Variants in ADGRF5 observed in about 807,000 individuals in gnomAD.
ADGRF5 encodes adhesion G protein-coupled receptor F5, also known as G-protein coupled receptor 116.
A neutral mutation model predicts 132.3 loss-of-function variants in ADGRF5; 75 were observed. The ratio of observed to expected loss-of-function variants is 0.57; its 90% CI spans 0.47 to 0.69. The LOEUF is 0.69. ADGRF5 is among the 30% of genes least tolerant of loss of function. The pLI is 0.00. For synonymous variants in ADGRF5, 629 were observed against 597.6 expected, an observed-to-expected ratio of 1.05 and a Z score of -0.77; for missense variants, 1,516 against 1,630.6, an observed-to-expected ratio of 0.93 and a Z score of 1.21.
intron 12 of ADGRF5, among the ~76,000 whole-genome samples, chr6:46,868,108 C>T (rs141109307): frequency 1.3e-5 from 2 of 152,262 alleles, no homozygotes; most frequent in East Asian, 1.9e-4. Flanking sequence ...ATGGGACTCA[C>T]GGAATCTAGA....
At chr6:46,854,171 C>A (rs1768774533) in intron 20 of ADGRF5, 100 bp from the exon 21 acceptor site, 8 of 791,702 alleles carry the variant, frequency 1.0e-5, no homozygotes, top group Non-Finnish European at 1.6e-5. Flanking sequence ...GGTCCAGGTG[C>A]CAGGTAAGCT....
At position 46,878,296 on chromosome 6, in the gene ADGRF5, G is replaced by A. The variant is rs373082410; in HGVS notation, c.1146C>T (p.Cys382=). ...ILANEEMKVM[C]DNNPVSLNCC... is the part of the protein sequence containing the mutation. The stretch of plus-strand genomic sequence containing the variant: ...AGTTCAAAGATACAGGATTGTTGTC[G>A]CACATCACCTTCATTTCTTCATTTG... Residue 382 remains cysteine (C), a synonymous_variant, in exon 10 of 21, where the codon TGC becomes TGT. Coordinates refer to ENST00000283296, the MANE Select transcript of ADGRF5 (RefSeq NM_001098518.2). 65 of 1,612,814 alleles carry A rather than the reference G, an allele frequency of 4.0e-5. No individual in the cohort carries two copies. The highest frequency in any genetic ancestry group is 2.7e-4 in the African/African-American group (20 of 74,814).
chr6:46,874,152 A>G (rs1771386033), intron 10 of ADGRF5, among the ~76,000 whole-genome samples: 1 of 152,146 alleles, frequency 6.6e-6, no homozygotes, highest in African/African-American at 2.4e-5. Flanking sequence ...ACCATTGCCT[A>G]CAGAATACAG....
intron 1 of ADGRF5, among the ~76,000 whole-genome samples, chr6:46,937,224 G>A (rs1168852045): frequency 6.4e-5 from 3 of 46,856 alleles, no homozygotes; most frequent in African/African-American, 1.3e-4. Context: ...AATAAGGAGT[G>A]TGTGTGTGTG....
At chr6:46,926,476 C>T (rs1172508213), upstream of ADGRF5, among the ~76,000 whole-genome samples, 2 of 20,342 alleles carry the variant, frequency 9.8e-5, no homozygotes. Flanking sequence ...GACAGCATCT[C>T]GGGTGAGGGG....
intron 1 of ADGRF5, among the ~76,000 whole-genome samples, chr6:46,916,151 C>G (rs1403093368): frequency 6.6e-6 from 1 of 152,224 alleles, no homozygotes; most frequent in Non-Finnish European, 1.5e-5. Flanking sequence ...TGAGAATTCC[C>G]AGAACTGTAT....
At position 46,856,769 on chromosome 6, in the gene ADGRF5, T is replaced by A; in HGVS notation, c.3825A>T (p.Glu1275Asp). 6.3e-7 allele frequency: 1 copy of A among 1,593,306 alleles called. No homozygotes were observed. Among genetic ancestry groups the A allele is most frequent in the South Asian group, 1.1e-5 (1 of 90,518 alleles). ...FGCLWDLKVQ[E>D]ALLNKFSLSR... ...ACAATGAAAACTTATTCAGCAAAGC[T>A]TCCTGTACCTGCATTGTTAAAAAGA... Residue 1275 changes from glutamate to aspartate, a missense_variant, in exon 19 of 21, where the codon GAA becomes GAT. Physicochemically the swap from Glu to Asp is conservative, Grantham distance 45. Coordinates refer to ENST00000283296, the MANE Select transcript of ADGRF5 (RefSeq NM_001098518.2).
intron 1 of ADGRF5, among the ~76,000 whole-genome samples, chr6:46,916,542 T>G (rs111582210): frequency 4.1e-4 from 63 of 152,292 alleles, no homozygotes; most frequent in Middle Eastern, 3.4e-3. Context: ...CACCACACTT[T>G]TTTGGACATT....
chr6:46,881,654 A>G (rs1221547518), intron 7 of ADGRF5, 57 bp from the exon 8 acceptor site: 7 of 1,498,270 alleles, frequency 4.7e-6, no homozygotes, highest in Non-Finnish European at 5.5e-6. Flanking sequence ...GAGTCTAGAT[A>G]TTTATGGCTT....
At chr6:46,954,393 A>G (rs1043722419) in intron 1 of ADGRF5, among the ~76,000 whole-genome samples, 2 of 152,100 alleles carry the variant, frequency 1.3e-5, no homozygotes, top group African/African-American at 4.8e-5. Flanking sequence ...ATACTATTAA[A>G]AAGAAAAGGC....
chr6:46,856,617 G>C (rs1769075367), intron 19 of ADGRF5, 101 bp downstream of exon 19: 1 of 762,708 alleles, frequency 1.3e-6, no homozygotes, highest in Admixed American at 2.4e-5. Flanking sequence ...TAGCCTAATT[G>C]ATCAAAATCC....
In ADGRF5 at chr6:46,859,356, A is replaced by C. The variant is rs1182870716; in HGVS notation, c.2547T>G (p.Thr849=). Residue 849 remains threonine, a synonymous_variant, in exon 17 of 21, where the codon ACT becomes ACG. Transcript: ENST00000283296. ...GDSPPLSFSQ[T]NVQMSSMVIK... ...TTACCATGCTGCTCATCTGCACATT[A>C]GTTTGGGAGAAGGACAAAGGAGGGC... 1 of 1,613,886 alleles carries C rather than the reference A, an allele frequency of 6.2e-7. No homozygotes were observed. Among genetic ancestry groups the C allele is most frequent in the South Asian group, 1.1e-5 (1 of 91,062 alleles).
chr6:46,859,051 T>C lies in ADGRF5; in HGVS notation c.2852A>G (p.Glu951Gly), dbSNP rs1294849331. 6.2e-7 allele frequency: 1 copy of C among 1,614,200 alleles called. No individual in the cohort carries two copies. The highest frequency in any genetic ancestry group is 1.3e-5 in the African/African-American group (1 of 75,058). The change falls in exon 17 of 21, where the codon GAA becomes GGA. Residue 951 changes from glutamate to glycine, a missense_variant. Physicochemically the swap from Glu to Gly is moderately conservative, Grantham distance 98. Transcript: ENST00000283296. ...TFKNNSPSGG[E>G]TKCVFWNFRL... ...GAAGTTCCAGAAGACACACTTCGTT[T>C]CGCCGCCTGAAGGGCTATTGTTCTT...
chr6:46,911,488 C>A (rs1025431455), intron 1 of ADGRF5, among the ~76,000 whole-genome samples: 5 of 152,130 alleles, frequency 3.3e-5, no homozygotes, highest in Admixed American at 6.5e-5. Context: ...TTATTAATCT[C>A]CATCTTTTCC....
At chr6:46,913,096 C>G (rs1334830106) in intron 1 of ADGRF5, among the ~76,000 whole-genome samples, 1 of 152,144 alleles carries the variant, frequency 6.6e-6, no homozygotes, top group Non-Finnish European at 1.5e-5. Context: ...CTCCCACCAC[C>G]AGCTCTAAAT....
At chr6:46,911,815 A>G (rs1775977051) in intron 1 of ADGRF5, among the ~76,000 whole-genome samples, 1 of 152,188 alleles carries the variant, frequency 6.6e-6, no homozygotes, top group African/African-American at 2.4e-5. Flanking sequence ...AAGTAGCAGT[A>G]AACAAGACAA....
Position 46,858,566 on chromosome 6 carries a change from A to G in ADGRF5, c.3337T>C (p.Tyr1113His). The change falls in exon 17 of 21, where the codon TAT (tyrosine) becomes CAT (histidine). Residue 1113 changes from tyrosine (Y) to histidine (H), a missense_variant. Coordinates refer to ENST00000283296, the MANE Select transcript of ADGRF5 (RefSeq NM_001098518.2). The stretch of plus-strand genomic sequence containing the variant: ...TCATGCAGAATGAAAACCAGGCGAT[A>G]GAACAGCATGAGGCCCAGTGTCAGC... ...WMLTLGLMLF[Y>H]RLVFILHETS... 1.2e-6 allele frequency: 2 copies of G among 1,614,048 alleles called. No homozygotes were observed. Among genetic ancestry groups the G allele is most frequent in the South Asian group, 2.2e-5 (2 of 91,072 alleles).
At chr6:46,888,968 G>C (rs1188805858) in intron 3 of ADGRF5, among the ~76,000 whole-genome samples, 1 of 152,020 alleles carries the variant, frequency 6.6e-6, no homozygotes, top group Non-Finnish European at 1.5e-5. Context: ...CTCTTCCTCT[G>C]TATCTCCAGT....
At chr6:46,892,701 G>A (rs1484090534) in intron 3 of ADGRF5, among the ~76,000 whole-genome samples, 4 of 152,254 alleles carry the variant, frequency 2.6e-5, no homozygotes, top group African/African-American at 9.6e-5. Flanking sequence ...AGTGAGCCGA[G>A]ATTGCGCCAC....
Sources: gnomAD v4.1 joint callset for allele counts (sites outside exome capture counted in the v4.1 genomes callset) on GRCh38, gnomAD v4.1.1 for gene constraint, MANE v1.5 for transcripts, NCBI Gene and HGNC (gene_info 2026-07-23, HGNC 2026-07-21) for gene names.